Variants in ESRRB observed in about 807,000 individuals in gnomAD.
The protein encoded by ESRRB is steroid hormone receptor ERR2.
A neutral mutation model predicts 46.0 loss-of-function variants in ESRRB; 16 were observed. That is an observed-to-expected ratio of 0.35 (90% CI 0.24 to 0.53). The LOEUF is 0.53. Ranked by LOEUF, ESRRB falls within the 20% of genes least tolerant of loss-of-function variation. The pLI, the probability that ESRRB is intolerant of heterozygous loss-of-function variation, is 0.93. For missense variants in ESRRB, 488 were observed against 607.4 expected, an observed-to-expected ratio of 0.80 and a Z score of 2.07; for synonymous variants, 246 against 259.6, an observed-to-expected ratio of 0.95 and a Z score of 0.50.
intron 1 of ESRRB, among the ~76,000 whole-genome samples, chr14:76,431,733 A>G (rs772465512): frequency 6.6e-6 from 1 of 152,202 alleles, no homozygotes; most frequent in Non-Finnish European, 1.5e-5. Context: ...GCCCTTTCAA[A>G]GGCTGCTTGG....
chr14:76,345,506 C>T (rs1398964730), intron 1 of ESRRB, among the ~76,000 whole-genome samples: 2 of 152,196 alleles, frequency 1.3e-5, no homozygotes, highest in African/African-American at 4.8e-5. Context: ...ATACCTTACT[C>T]CTGCAAGAAT....
chr14:76,383,748 G>T (rs867596438), intron 1 of ESRRB, among the ~76,000 whole-genome samples: 20 of 152,208 alleles, frequency 1.3e-4, no homozygotes, highest in African/African-American at 4.6e-4. Flanking sequence ...GTTGGGTAAA[G>T]TCCCAAAGCA....
chr14:76,391,527 T>G lies in ESRRB; in HGVS notation c.50+15076T>G, dbSNP rs563991136. Among the ~76,000 whole-genome samples the G allele has an allele frequency of 5.9e-5, 9 of 152,338 alleles. No homozygotes were observed. The East Asian group carries it at 1.7e-3, about 29-fold the overall frequency. On this transcript the variant is annotated intron_variant, in intron 1 of 6. Transcript: ENST00000644823. ...CTGCTTCTGTTCTTTGAATCCCTGG[T>G]CTGTAGACAAATGCCCTTTGGAGCG... is the stretch of plus-strand genomic sequence containing the variant.
At chr14:76,380,973 G>A (rs771826918) in intron 1 of ESRRB, among the ~76,000 whole-genome samples, 3 of 152,188 alleles carry the variant, frequency 2.0e-5, no homozygotes, top group Non-Finnish European at 4.4e-5. Flanking sequence ...AATCAAAGAC[G>A]TTTTTAGCAT....
chr14:76,374,788 C>G (rs1884707562), upstream of ESRRB, among the ~76,000 whole-genome samples: 1 of 152,138 alleles, frequency 6.6e-6, no homozygotes, highest in African/African-American at 2.4e-5. Context: ...CTGTGAGATG[C>G]CTTCCTGAGC....
At chr14:76,415,519 G>C (rs553576585) in intron 1 of ESRRB, among the ~76,000 whole-genome samples, 8 of 152,212 alleles carry the variant, frequency 5.3e-5, no homozygotes, top group African/African-American at 1.9e-4. Context: ...AATTAGCCAG[G>C]CGTGGTGGTT....
At chr14:76,420,738 G>T (rs1334164193) in intron 1 of ESRRB, among the ~76,000 whole-genome samples, 5 of 152,168 alleles carry the variant, frequency 3.3e-5, no homozygotes, top group Admixed American at 6.5e-5. Context: ...TGGAGGGATG[G>T]ACGGTCCTTT....
intron 6 of ESRRB, among the ~76,000 whole-genome samples, chr14:76,497,075 C>T (rs1007121100): frequency 1.3e-5 from 2 of 151,986 alleles, no homozygotes; most frequent in Admixed American, 6.6e-5. Flanking sequence ...ATGGAGAGGG[C>T]GGGGAGAGGG....
rs559852386 is a variant in ESRRB at position 76,500,158 on chromosome 14, G to A, written c.*1700G>A. ...CCGGCCTGGGCTTCTGGGCTGGGAC[G>A]TGCTGAGGTCATCCCAGACAGGAGG... On this transcript the variant is annotated 3_prime_UTR_variant, in exon 7 of 7. Transcript: ENST00000644823. The A allele has an allele frequency of 1.1e-4, 121 of 1,084,378 alleles. No individual in the cohort carries two copies. In the East Asian group the frequency reaches 1.2e-3, roughly 11 times the overall value. 67.2% of individuals were successfully genotyped at this position (1,084,378 alleles called of 1,614,324 possible).
chr14:76,429,321 C>G (rs946496764), intron 1 of ESRRB, among the ~76,000 whole-genome samples: 2 of 152,158 alleles, frequency 1.3e-5, no homozygotes, highest in African/African-American at 2.4e-5. Context: ...TCTCTGAGAA[C>G]TTATGATTCA....
At chr14:76,337,263 C>A (rs1386332303) in intron 1 of ESRRB, among the ~76,000 whole-genome samples, 2 of 152,182 alleles carry the variant, frequency 1.3e-5, no homozygotes, top group Non-Finnish European at 2.9e-5. Context: ...GCTGAGGCAT[C>A]CTGTCCCATG....
At chr14:76,484,896 G>T (rs1050941021) in intron 5 of ESRRB, among the ~76,000 whole-genome samples, 3 of 152,224 alleles carry the variant, frequency 2.0e-5, no homozygotes, top group African/African-American at 7.2e-5. Flanking sequence ...GCCCCTTCAC[G>T]GGATTGCTGT....
At chr14:76,396,802 G>A (rs547301507) in intron 1 of ESRRB, among the ~76,000 whole-genome samples, 5 of 152,236 alleles carry the variant, frequency 3.3e-5, no homozygotes, top group Admixed American at 1.3e-4. Flanking sequence ...CGGAGCCAGC[G>A]CTGGCGGTAG....
rs1890609013 is a variant in ESRRB at position 76,500,130 on chromosome 14, C to A, written c.*1672C>A. 2.8e-6 allele frequency: 4 copies of A among 1,406,288 alleles called. No individual in the cohort carries two copies. The East Asian group carries it at 1.0e-4, about 35-fold the overall frequency. 87.1% of individuals were successfully genotyped at this position (1,406,288 alleles called of 1,614,324 possible). On this transcript the variant is annotated 3_prime_UTR_variant, in exon 7 of 7. Coordinates refer to ENST00000644823, the MANE Select transcript of ESRRB (RefSeq NM_001379180.1). ...ACCTCCTTGGCTCTACCCCAGGAACCTCCCGGCCTGGGCTTCTGGGCTGGG... is the reference window on the plus strand; with the variant it reads ...ACCTCCTTGGCTCTACCCCAGGAACATCCCGGCCTGGGCTTCTGGGCTGGG...
intron 6 of ESRRB, among the ~76,000 whole-genome samples, chr14:76,493,813 C>T (rs2083304316): frequency 6.6e-6 from 1 of 152,236 alleles, no homozygotes; most frequent in Non-Finnish European, 1.5e-5. Context: ...GTTAGTGCAT[C>T]CATCCCCTAG....
chr14:76,469,926 G>GTTTTTTTTTTTTTTT (rs1356927268), intron 3 of ESRRB, among the ~76,000 whole-genome samples: 10 of 67,632 alleles, frequency 1.5e-4, no homozygotes, highest in Admixed American at 2.8e-4. Context: ...TGTGTTTTTT[G>GTTTTTTTTTTTTTTT]TTGTTTTTTT....
chr14:76,385,202 C>A (rs1247863582), intron 1 of ESRRB, among the ~76,000 whole-genome samples: 2 of 128,692 alleles, frequency 1.6e-5, no homozygotes, highest in Non-Finnish European at 3.3e-5. Flanking sequence ...CTCATAGTTT[C>A]TTTTCCTCAG....
At chr14:76,355,292 A>C (rs1342376927) in intron 1 of ESRRB, among the ~76,000 whole-genome samples, 1 of 152,028 alleles carries the variant, frequency 6.6e-6, no homozygotes, top group African/African-American at 2.4e-5. Flanking sequence ...CGAAATACTG[A>C]GTTTGTGTGT....
intron 3 of ESRRB, among the ~76,000 whole-genome samples, chr14:76,466,568 T>C (rs752840145): frequency 4.6e-5 from 7 of 152,196 alleles, no homozygotes; most frequent in Non-Finnish European, 1.0e-4. Flanking sequence ...TCCAAAGGCC[T>C]ATCTTGCTTT....
Sources: gnomAD v4.1 joint callset for allele counts (sites outside exome capture counted in the v4.1 genomes callset) on GRCh38, gnomAD v4.1.1 for gene constraint, MANE v1.5 for transcripts, NCBI Gene and HGNC (gene_info 2026-07-23, HGNC 2026-07-21) for gene names.